The following CCDC40 variants were observed in gnomAD, a reference collection of about 807,000 sequenced individuals.
The protein encoded by CCDC40 is coiled-coil domain-containing protein 40.
In CCDC40, 104 loss-of-function variants were observed where a neutral mutation model predicts 124.5. The observed-to-expected ratio is 0.84, with a 90% CI of 0.71 to 0.98. The LOEUF (loss-of-function observed/expected upper bound fraction) is 0.98, where lower values mean the gene tolerates loss of function less well. Ranked by LOEUF, CCDC40 falls within the 50% of genes least tolerant of loss-of-function variation. The pLI, the probability that CCDC40 is intolerant of heterozygous loss-of-function variation, is 0.00. For synonymous variants in CCDC40, 580 were observed against 602.9 expected (o/e 0.96, Z 0.56); for missense variants, 1,463 against 1,503.9 (o/e 0.97, Z 0.45).
chr17:80,090,995 C>T (rs558128498), intron 17 of CCDC40, among the ~76,000 whole-genome samples: 1 of 152,362 alleles, frequency 6.6e-6, no homozygotes, highest in South Asian at 2.1e-4. Flanking sequence ...GTCCGGGCTG[C>T]TCCTCCCTGT....
Position 80,087,417 on chromosome 17 carries a change from CTGTCCT to C in CCDC40, c.2450-189_2450-184del, listed in dbSNP as rs889364962. ...AGCTTAGCAGCCAAAAAGAGACCCC[CTGTCCT>C]CTCCTCTCCTCTGTCCTGGCAGGGA... On this transcript the variant is annotated intron_variant, in intron 14 of 19. Coordinates refer to ENST00000397545, the MANE Select transcript of CCDC40 (RefSeq NM_017950.4). This position sits in a 1 kb window ranked among gnomAD's most constrained non-coding sequence, Gnocchi z 4.5. 2 of 66,796 alleles carry C rather than the reference CTGTCCT, an allele frequency of 3.0e-5. No homozygotes were observed. The highest frequency in any genetic ancestry group is 1.2e-4 in the African/African-American group (1 of 8,028). The allele number at this position is 66,796 out of a possible 1,614,324, so 4.1% of individuals were successfully genotyped here.
At chr17:80,054,520 T>A (rs1016447502) in intron 7 of CCDC40, among the ~76,000 whole-genome samples, 11 of 152,130 alleles carry the variant, frequency 7.2e-5, no homozygotes, top group African/African-American at 2.7e-4. Flanking sequence ...CTGCAAACGC[T>A]GACAGCATAC....
Position 80,095,337 on chromosome 17 carries a change from G to C in CCDC40, c.2907G>C (p.Glu969Asp), listed in dbSNP as rs745594044. 1.2e-6 allele frequency: 2 copies of C among 1,614,134 alleles called. No individual in the cohort carries two copies. The highest frequency in any genetic ancestry group is 3.3e-5 in the Admixed American group (2 of 60,034). ...TGGAGTTGGCGGTTGCCCGCAGAGA[G>C]ACCGTCACCACCCAGGCCGAGGGGC... ...RAMELAVARR[E>D]TVTTQAEGQR... The change falls in exon 18 of 20, where the codon GAG (glutamate) becomes GAC (aspartate). Residue 969 changes from glutamate to aspartate, a missense_variant. Glu to Asp is a conservative substitution (Grantham distance 45, BLOSUM62 2). Coordinates refer to ENST00000397545, the MANE Select transcript of CCDC40 (RefSeq NM_017950.4).
At chr17:80,039,653 G>A (rs1484141877) in intron 2 of CCDC40, among the ~76,000 whole-genome samples, 159 bp from the exon 3 acceptor site, 1 of 151,992 alleles carries the variant, frequency 6.6e-6, no homozygotes, top group Non-Finnish European at 1.5e-5. Flanking sequence ...CTCGTGATCT[G>A]CCTGCCTCAG....
At chr17:80,046,688 C>A (rs1227927648) in intron 3 of CCDC40, among the ~76,000 whole-genome samples, 1 of 152,080 alleles carries the variant, frequency 6.6e-6, no homozygotes. Context: ...ACTCTGAGCA[C>A]CCTCTTCATG....
At chr17:80,037,877 C>T (rs1476959441) in intron 1 of CCDC40, 4 of 404,662 alleles carry the variant, frequency 9.9e-6, no homozygotes, top group South Asian at 2.1e-5. Flanking sequence ...CCTGCTGTTC[C>T]TTCGATGTTT....
chr17:80,065,679 C>A, intron 10 of CCDC40, 73 bp downstream of exon 10: 1 of 1,588,726 alleles, frequency 6.3e-7, no homozygotes, highest in Non-Finnish European at 8.6e-7. Context: ...CCCACACCCC[C>A]TCTCTCTGGG....
intron 13 of CCDC40, 23 bp from the exon 14 acceptor site, chr17:80,085,978 GCT>G: frequency 6.2e-7 from 1 of 1,609,340 alleles, no homozygotes; most frequent in South Asian, 1.1e-5. Flanking sequence ...CCCTAATTTT[GCT>G]TTTTGATGAA....
intron 7 of CCDC40, among the ~76,000 whole-genome samples, chr17:80,057,215 G>A (rs2037771292): frequency 6.6e-6 from 1 of 151,794 alleles, no homozygotes; most frequent in Non-Finnish European, 1.5e-5. Context: ...AGCCTCCTGA[G>A]TAGTTGGGAT....
chr17:80,081,867 T>C lies in CCDC40; in HGVS notation c.1807-9T>C. 1 of 1,614,100 alleles carries C rather than the reference T, an allele frequency of 6.2e-7. No individual in the cohort carries two copies. On this transcript the variant is annotated splice_polypyrimidine_tract_variant and intron_variant, in intron 11 of 19. Coordinates refer to ENST00000397545, the MANE Select transcript of CCDC40 (RefSeq NM_017950.4). The stretch of plus-strand genomic sequence containing the variant: ...CAGGCACGTGCACCCTGTGGCTCCT[T>C]GTCTCCAGGAACAAATGATACTCAC...
rs2038057064 is a variant in CCDC40 at position 80,066,731 on chromosome 17, GAGCA to G, written c.1562+1128_1562+1131del. The G allele has an allele frequency of 6.5e-6, 1 of 153,012 alleles. No individual in the cohort carries two copies. Among genetic ancestry groups the G allele is most frequent in the South Asian group, 2.1e-4 (1 of 4,866 alleles). The allele number at this position is 153,012 out of a possible 1,614,324, so 9.5% of individuals were successfully genotyped here. A position where few individuals can be genotyped will look rare whatever the true frequency, so the allele number is the denominator to read the frequency against. On this transcript the variant is annotated intron_variant, in intron 10 of 19. Coordinates refer to ENST00000397545, the MANE Select transcript of CCDC40 (RefSeq NM_017950.4). The surrounding 1 kb of genome is among the most constrained non-coding windows in gnomAD (Gnocchi z 4.4). Reference sequence around the variant, plus strand: ...CCACTGCACTCTAGCCTGGGAGACAGAGCAAGACTCTGTCTCAAAAAAAATAAAA... The same window carrying G: ...CCACTGCACTCTAGCCTGGGAGACAGAGACTCTGTCTCAAAAAAAATAAAA...
At chr17:80,097,659 C>CA (rs2038835060) in intron 19 of CCDC40, 3 of 527,492 alleles carry the variant, frequency 5.7e-6, no homozygotes, top group East Asian at 3.3e-5. Context: ...AAATAGAACA[C>CA]AAAAAACAAA....
intron 7 of CCDC40, among the ~76,000 whole-genome samples, chr17:80,056,350 AGGCTCAC>A (rs2037748897): frequency 6.6e-6 from 1 of 152,024 alleles, no homozygotes; most frequent in East Asian, 1.9e-4. Flanking sequence ...CCAGGTGCGG[AGGCTCAC>A]GCCTGTAGTG....
intron 13 of CCDC40, among the ~76,000 whole-genome samples, chr17:80,085,627 C>T (rs1004225229): frequency 2.4e-4 from 37 of 151,874 alleles, no homozygotes; most frequent in Admixed American, 1.3e-3. Context: ...CTCTGCAGCC[C>T]ACTCACAAAG....
chr17:80,049,409 CAAAAAA>C (rs34096428), intron 5 of CCDC40, among the ~76,000 whole-genome samples: 22 of 112,838 alleles, frequency 1.9e-4, no homozygotes, highest in Middle Eastern at 4.7e-3. Flanking sequence ...AACTCTGTCT[CAAAAAA>C]AAAAAAAAAA....
At position 80,048,680 on chromosome 17, in the gene CCDC40, G is replaced by A. The variant is rs1206714328; in HGVS notation, c.774G>A (p.Met258Ile). The A allele has an allele frequency of 1.9e-6, 3 of 1,614,130 alleles. No homozygotes were observed. The highest frequency in any genetic ancestry group is 3.3e-5 in the Admixed American group (2 of 60,030). The part of the protein sequence containing the change: ...IQQPSTEEGA[M>I]AERVESEGSD... ...AGCCCAGCACCGAGGAGGGGGCCAT[G>A]GCAGAGAGAGTGGAGTCCGAGGGGA... Residue 258 changes from methionine (M) to isoleucine (I), a missense_variant, in exon 5 of 20, where the codon ATG becomes ATA. By Grantham distance (10) the Met-to-Ile change is conservative. Transcript: ENST00000397545.
At chr17:80,047,473 A>G in intron 4 of CCDC40, 71 bp downstream of exon 4, 1 of 1,520,740 alleles carries the variant, frequency 6.6e-7, no homozygotes, top group Non-Finnish European at 8.9e-7. Flanking sequence ...TGTGCAAGGG[A>G]TGCCACTCGT....
At chr17:80,074,500 C>T (rs1156805760) in intron 10 of CCDC40, among the ~76,000 whole-genome samples, 1 of 152,042 alleles carries the variant, frequency 6.6e-6, no homozygotes, top group Non-Finnish European at 1.5e-5. Context: ...AGAGAATGCA[C>T]CTGGTGGGCA....
intron 10 of CCDC40, among the ~76,000 whole-genome samples, chr17:80,071,199 G>C (rs8075869): frequency 0.015 from 2,249 of 152,328 alleles, 56 homozygotes; most frequent in African/African-American, 0.052. Context: ...ACACACGCCT[G>C]GGACTTGGAG....
Sources: allele counts gnomAD v4.1 joint callset (sites outside exome capture counted in the v4.1 genomes callset), GRCh38; gene constraint gnomAD v4.1.1; non-coding constraint Gnocchi (gnomAD v3.1); transcripts MANE v1.5; gene names NCBI Gene and HGNC (gene_info 2026-07-23, HGNC 2026-07-21).